Variants in NFKB1 observed in about 807,000 individuals in gnomAD.
NFKB1 encodes the protein nuclear factor NF-kappa-B p105 subunit.
NFKB1 carries 9 observed loss-of-function variants against 105.1 expected under a neutral mutation model. The observed-to-expected ratio is 0.09, with a 90% confidence interval of 0.05 to 0.15. NFKB1 has a LOEUF of 0.15. Among genes scored for constraint, NFKB1 ranks in the 10% least tolerant of loss-of-function variants. The pLI, the probability that NFKB1 is intolerant of heterozygous loss-of-function variation, is 1.00. For synonymous variants in NFKB1, 440 were observed against 442.2 expected, an observed-to-expected ratio of 1.00 and a Z score of 0.06; for missense variants, 830 against 1,203.7, an observed-to-expected ratio of 0.69 and a Z score of 4.59.
At chr4:102,514,513 A>G (rs887920669) in intron 1 of NFKB1, among the ~76,000 whole-genome samples, 16 of 152,166 alleles carry the variant, frequency 1.1e-4, no homozygotes, top group African/African-American at 3.6e-4. Flanking sequence ...ACCAGATACC[A>G]AATGCTGGTG....
intron 3 of NFKB1, among the ~76,000 whole-genome samples, chr4:102,532,691 A>C (rs1330616144): frequency 6.6e-6 from 1 of 152,198 alleles, no homozygotes; most frequent in Admixed American, 6.6e-5. Context: ...TTTAATTTCA[A>C]CCTGAAGGTT....
chr4:102,593,202 T>C (rs1726313552), intron 11 of NFKB1: 1 of 335,990 alleles, frequency 3.0e-6, no homozygotes, highest in East Asian at 4.8e-5. Context: ...AGAGTGGATT[T>C]GGGTGTGTAC....
At position 102,551,775 on chromosome 4, in the gene NFKB1, G is replaced by A. The variant is rs72931425; in HGVS notation, c.258+13819G>A. ...ATTGTCCTGAATACAGCCCTATAAG[G>A]TTCTTACTAAATTTGCAGGTGACAT... is the stretch of plus-strand genomic sequence containing the variant. On this transcript the variant is annotated intron_variant, in intron 5 of 23. Transcript: ENST00000226574. Among the ~76,000 whole-genome samples, 67 of 152,202 alleles carry A rather than the reference G, an allele frequency of 4.4e-4. 1 individual carries two copies. Among genetic ancestry groups the A allele is most frequent in the African/African-American group, 1.5e-3 (64 of 41,508 alleles).
At chr4:102,525,582 A>C in intron 2 of NFKB1, 25 bp downstream of exon 2, 1 of 1,589,600 alleles carries the variant, frequency 6.3e-7, no homozygotes, top group South Asian at 1.1e-5. Flanking sequence ...CTCACTGATA[A>C]CTTTATTTAA....
At chr4:102,506,200 A>T (rs568341820) in intron 1 of NFKB1, among the ~76,000 whole-genome samples, 1 of 152,320 alleles carries the variant, frequency 6.6e-6, no homozygotes, top group South Asian at 2.1e-4. Flanking sequence ...TGAAAAATGT[A>T]ATTTTTTGGT....
intron 5 of NFKB1, among the ~76,000 whole-genome samples, chr4:102,541,982 A>G (rs1414821909): frequency 2.0e-5 from 3 of 152,146 alleles, no homozygotes; most frequent in Non-Finnish European, 2.9e-5. Context: ...GGAAAGAGTC[A>G]GGGGCCAACT....
intron 6 of NFKB1, among the ~76,000 whole-genome samples, chr4:102,568,796 G>T (rs770950129): frequency 5.3e-5 from 8 of 152,116 alleles, no homozygotes; most frequent in Non-Finnish European, 8.8e-5. Flanking sequence ...AGGAAAGTGA[G>T]GGATTCTTTC....
chr4:102,520,296 C>T (rs1740479879), intron 1 of NFKB1, among the ~76,000 whole-genome samples: 2 of 152,200 alleles, frequency 1.3e-5, no homozygotes, highest in Admixed American at 1.3e-4. Flanking sequence ...CTTTTGCTGT[C>T]TATATTCCTC....
At chr4:102,553,734 A>G (rs1206264572) in intron 5 of NFKB1, among the ~76,000 whole-genome samples, 2 of 152,160 alleles carry the variant, frequency 1.3e-5, no homozygotes, top group Admixed American at 1.3e-4. Flanking sequence ...GGACTTAACT[A>G]CCCAGGGCAG....
rs1359886710 is a variant in NFKB1 at position 102,579,005 on chromosome 4, G to A, written c.696G>A (p.Leu232=). 3 of 1,614,092 alleles carry A rather than the reference G, an allele frequency of 1.9e-6. No homozygotes were observed. Among genetic ancestry groups the A allele is most frequent in the African/African-American group, 1.3e-5 (1 of 75,040 alleles). ...PDSTGSFTRR[L]EPVVSDAIYD... is the part of the protein sequence containing the mutation. ...GCACTGGCAGCTTCACAAGGCGCCT[G>A]GAACCCGTGGTATCAGACGCCATCT... Residue 232 remains leucine, a synonymous_variant, in exon 8 of 24, where the codon CTG becomes CTA. Transcript: ENST00000226574.
rs4647991 is a variant in NFKB1, at chr4:102,533,294, G to A, written c.119-551G>A. Among the ~76,000 whole-genome samples the A allele has an allele frequency of 3.6e-3, 551 of 152,180 alleles. 4 individuals are homozygous for A. The highest frequency in any genetic ancestry group is 0.013 in the African/African-American group (537 of 41,528). On this transcript the variant is annotated intron_variant, in intron 3 of 23. Coordinates refer to ENST00000226574, the MANE Select transcript of NFKB1 (RefSeq NM_003998.4). ...GTACTTTCCCTTCAAGTAAAGACGGGAACAGAAAACCTAGTGTAAGGAAAA... is the reference window on the plus strand; with the variant it reads ...GTACTTTCCCTTCAAGTAAAGACGGAAACAGAAAACCTAGTGTAAGGAAAA...
intron 18 of NFKB1, 132 bp downstream of exon 18, chr4:102,607,451 C>T (rs1424052871): frequency 1.8e-6 from 2 of 1,130,274 alleles, no homozygotes; most frequent in Non-Finnish European, 2.6e-6. Context: ...TTATGGAGGG[C>T]TTCAGAGTAC....
chr4:102,577,845 A>G (rs1724987386), intron 7 of NFKB1: 1 of 985,368 alleles, frequency 1.0e-6, no homozygotes, highest in Admixed American at 6.1e-5. Flanking sequence ...CACTTATAGT[A>G]GTCTTCTCCC....
chr4:102,563,853 C>G (rs1217663950), intron 5 of NFKB1, among the ~76,000 whole-genome samples: 1 of 138,494 alleles, frequency 7.2e-6, no homozygotes, highest in Non-Finnish European at 1.5e-5. Flanking sequence ...CGGAGTCTTG[C>G]TCTGTCACCC....
intron 5 of NFKB1, among the ~76,000 whole-genome samples, chr4:102,539,542 C>T (rs1741864739): frequency 6.6e-6 from 1 of 152,148 alleles, no homozygotes; most frequent in Non-Finnish European, 1.5e-5. Flanking sequence ...CTTAAGTCCA[C>T]AGAAGCAGAC....
intron 15 of NFKB1, among the ~76,000 whole-genome samples, chr4:102,600,169 A>G (rs1390625036): frequency 6.6e-6 from 1 of 152,184 alleles, no homozygotes; most frequent in Admixed American, 6.5e-5. Flanking sequence ...TTAGGAAAGT[A>G]TTCTCTGAGG....
intron 1 of NFKB1, among the ~76,000 whole-genome samples, chr4:102,512,973 A>G (rs1739880489): frequency 6.6e-6 from 1 of 152,246 alleles, no homozygotes; most frequent in Non-Finnish European, 1.5e-5. Flanking sequence ...TATTTGAACA[A>G]AAGAATACTA....
chr4:102,612,380 C>G (rs958135041), intron 21 of NFKB1, 54 bp from the exon 22 acceptor site: 2 of 1,569,016 alleles, frequency 1.3e-6, no homozygotes, highest in African/African-American at 1.3e-5. Context: ...ATCAGTCCCT[C>G]CAGAGTGTCT....
rs1484653323 is a variant in NFKB1 at position 102,576,059 on chromosome 4, G to A, written c.408-817G>A. On this transcript the variant is annotated intron_variant, in intron 6 of 23. Transcript: ENST00000226574. ...TGTACTTTAATTTCAAAAGTGAATG[G>A]CTGGAACATTTTATATATTTTCTTA... 2.6e-5 allele frequency among the ~76,000 whole-genome samples: 4 copies of A among 152,162 alleles called. No homozygotes were observed. In the East Asian group the frequency reaches 7.7e-4, roughly 29 times the overall value.
Sources: gnomAD v4.1 joint callset for allele counts (sites outside exome capture counted in the v4.1 genomes callset) on GRCh38, gnomAD v4.1.1 for gene constraint, MANE v1.5 for transcripts, NCBI Gene and HGNC (gene_info 2026-07-23, HGNC 2026-07-21) for gene names.